Variants in RALGAPB observed in about 807,000 individuals in gnomAD.
The protein encoded by RALGAPB is Ral GTPase activating protein non-catalytic subunit beta, also known as ral GTPase-activating protein subunit beta.
A neutral mutation model predicts 161.1 loss-of-function variants in RALGAPB; 25 were observed. That is an observed-to-expected ratio of 0.16 (90% CI 0.11 to 0.22). RALGAPB has a LOEUF of 0.22. RALGAPB is among the 10% of genes least tolerant of loss of function. The pLI is 1.00. For synonymous variants in RALGAPB, 629 were observed against 626.1 expected, an observed-to-expected ratio of 1.00 and a Z score of -0.07; for missense variants, 1,391 against 1,815.2, an observed-to-expected ratio of 0.77 and a Z score of 4.25.
chr20:38,540,695 G>GTC (rs999644551), intron 17 of RALGAPB, among the ~76,000 whole-genome samples: 11 of 152,028 alleles, frequency 7.2e-5, no homozygotes, highest in Non-Finnish European at 1.2e-4. Context: ...GATGGTGTCT[G>GTC]TCTCTCTGTG....
intron 22 of RALGAPB, among the ~76,000 whole-genome samples, chr20:38,557,247 G>A (rs2087616204): frequency 6.6e-6 from 1 of 152,196 alleles, no homozygotes; most frequent in African/African-American, 2.4e-5. Context: ...GAACAATTGA[G>A]CAGAAAGGGT....
rs747883147 is a variant in RALGAPB, at chr20:38,524,855, A to T, written c.1697A>T (p.Asn566Ile). 1.9e-6 allele frequency: 3 copies of T among 1,605,348 alleles called. No individual in the cohort carries two copies. Among genetic ancestry groups the T allele is most frequent in the Non-Finnish European group, 2.6e-6 (3 of 1,172,316 alleles). ...CHPVLASVIL[N>I]SPPLFCCDLK... ...CCTGTCTTGGCCAGCGTTATTCTAA[A>T]CTCTCCTCCTTTGTTCTGCTGTGAC... The change falls in exon 11 of 30, where the codon AAC (asparagine) becomes ATC (isoleucine). Residue 566 changes from asparagine (N) to isoleucine (I), a missense_variant. Physicochemically the swap from Asn to Ile is moderately radical, Grantham distance 149 (BLOSUM62 -3). Transcript: ENST00000262879.
In RALGAPB at chr20:38,565,463, C is replaced by T. The variant is rs1368654459; in HGVS notation, c.3802C>T (p.Pro1268Ser). 1 of 1,613,472 alleles carries T rather than the reference C, an allele frequency of 6.2e-7. No individual in the cohort carries two copies. The highest frequency in any genetic ancestry group is 1.7e-5 in the Admixed American group (1 of 60,000). Residue 1268 changes from proline (P) to serine (S), a missense_variant, in exon 25 of 30, where the codon CCT (proline) becomes TCT (serine). This residue lies in a region of RALGAPB where 436 missense variants were observed against 527.0 expected (regional missense o/e 0.83). Transcript: ENST00000262879. ...AGAAATTGCTTTTGTGGTTCCTTCT[C>T]CTGTGGAGTCCTTAAGTAAGATGAT... is the stretch of plus-strand genomic sequence containing the variant. ...LTEIAFVVPS[P>S]VESLTDSLES...
chr20:38,503,436 A>C (rs570843764), intron 5 of RALGAPB, among the ~76,000 whole-genome samples: 1 of 152,322 alleles, frequency 6.6e-6, no homozygotes, highest in African/African-American at 2.4e-5. Context: ...AGGGGTTCAA[A>C]GCTTCAGTGG....
At chr20:38,524,458 G>T (rs2086397088) in intron 10 of RALGAPB, among the ~76,000 whole-genome samples, 1 of 151,346 alleles carries the variant, frequency 6.6e-6, no homozygotes. Context: ...TGAGTTGCAA[G>T]GCTTAAGGTT....
chr20:38,493,147 T>C lies in RALGAPB; in HGVS notation c.389+15T>C. ...TTTGTACCAAGGTAAGCTATACCTG[T>C]CTATCTGGCCCATTATCAGGGTCAT... On this transcript the variant is annotated intron_variant, in intron 3 of 29. Coordinates refer to ENST00000262879, the MANE Select transcript of RALGAPB (RefSeq NM_020336.4). 1 of 1,562,254 alleles carries C rather than the reference T, an allele frequency of 6.4e-7. No individual in the cohort carries two copies. Among genetic ancestry groups the C allele is most frequent in the Non-Finnish European group, 8.8e-7 (1 of 1,136,978 alleles).
intron 18 of RALGAPB, among the ~76,000 whole-genome samples, chr20:38,545,060 C>G (rs754363498): frequency 2.0e-5 from 3 of 152,106 alleles, no homozygotes; most frequent in Non-Finnish European, 2.9e-5. Context: ...TGGATCTCAA[C>G]TCTTTCTATG....
At chr20:38,568,794 A>G (rs1003170415) in intron 26 of RALGAPB, 4 of 152,276 alleles carry the variant, frequency 2.6e-5, no homozygotes, top group South Asian at 2.1e-4. Context: ...ACTTGTGACT[A>G]TGATAGGATA....
In RALGAPB at chr20:38,497,441, C is replaced by A. The variant is rs140381278; in HGVS notation, c.478C>A (p.Arg160=). 183 of 1,613,892 alleles carry A rather than the reference C, an allele frequency of 1.1e-4. 1 individual carries two copies. The highest frequency in any genetic ancestry group is 3.3e-4 in the Middle Eastern group (2 of 6,084). ...GGCCCGTGAGTCATCTCTCATGGCC[C>A]GAGAAACTTGGGAAGTCTTACTGTT... is the stretch of plus-strand genomic sequence containing the variant. ...KLARESSLMA[R]ETWEVLLLFL... The change falls in exon 4 of 30, where the codon CGA becomes AGA. Residue 160 remains arginine (R), a synonymous_variant. Coordinates refer to ENST00000262879, the MANE Select transcript of RALGAPB (RefSeq NM_020336.4).
chr20:38,508,541 A>T (rs867534460), intron 5 of RALGAPB, among the ~76,000 whole-genome samples: 2 of 152,316 alleles, frequency 1.3e-5, no homozygotes, highest in African/African-American at 4.8e-5. Context: ...AGCAGGAAGT[A>T]ACAGTATTTT....
chr20:38,562,845 G>A, intron 24 of RALGAPB, 148 bp downstream of exon 24: 1 of 819,592 alleles, frequency 1.2e-6, no homozygotes, highest in Non-Finnish European at 1.8e-6. Flanking sequence ...AGAAGCCAAG[G>A]TGGGAGGATC....
At chr20:38,480,941 C>A (rs141172455) in intron 1 of RALGAPB, among the ~76,000 whole-genome samples, 2 of 151,332 alleles carry the variant, frequency 1.3e-5, no homozygotes, top group Admixed American at 1.3e-4. Flanking sequence ...GGGGTTTCAC[C>A]GTGTTAGGAT....
intron 1 of RALGAPB, among the ~76,000 whole-genome samples, chr20:38,473,840 T>A (rs564434226): frequency 3.3e-5 from 5 of 151,550 alleles, no homozygotes; most frequent in South Asian, 2.1e-4. Context: ...ACTTCAATAT[T>A]TTTTTTTTAA....
At chr20:38,568,835 G>T (rs2088112625) in intron 26 of RALGAPB, 1 of 152,128 alleles carries the variant, frequency 6.6e-6, no homozygotes. Flanking sequence ...TTTGGCAAAG[G>T]GATCCTGTGG....
chr20:38,528,363 T>G (rs1394056299), intron 13 of RALGAPB, among the ~76,000 whole-genome samples: 1 of 150,618 alleles, frequency 6.6e-6, no homozygotes, highest in Non-Finnish European at 1.5e-5. Flanking sequence ...ATTTATTTAT[T>G]TATTTATTTA....
chr20:38,559,178 G>T (rs566498608), intron 23 of RALGAPB, among the ~76,000 whole-genome samples: 80 of 152,296 alleles, frequency 5.3e-4, no homozygotes, highest in African/African-American at 1.6e-3. Flanking sequence ...AATAACGAAG[G>T]TTAGTCATAA....
At chr20:38,531,300 T>A in intron 14 of RALGAPB, 69 bp downstream of exon 14, 1 of 1,318,688 alleles carries the variant, frequency 7.6e-7, no homozygotes, top group South Asian at 1.3e-5. Flanking sequence ...TATTCCAGAA[T>A]GTCCATCTTT....
At chr20:38,551,725 A>G (rs960991932) in intron 21 of RALGAPB, among the ~76,000 whole-genome samples, 1 of 152,188 alleles carries the variant, frequency 6.6e-6, no homozygotes, top group Non-Finnish European at 1.5e-5. Flanking sequence ...CATTAGGAAG[A>G]GGATAGATTT....
At chr20:38,560,806 C>T (rs1306630120) in intron 23 of RALGAPB, among the ~76,000 whole-genome samples, 1 of 152,090 alleles carries the variant, frequency 6.6e-6, no homozygotes, top group East Asian at 1.9e-4. Context: ...CTTCCCTAGC[C>T]GTAGGGTAGA....
Sources: gnomAD v4.1 joint callset for allele counts (sites outside exome capture counted in the v4.1 genomes callset) on GRCh38, gnomAD v4.1.1 for gene constraint, gnomAD v4.1.1 regional missense constraint, MANE v1.5 for transcripts, NCBI Gene and HGNC (gene_info 2026-07-23, HGNC 2026-07-21) for gene names.